The following PANK1 variants were observed in gnomAD, a reference collection of about 807,000 sequenced individuals.
PANK1 encodes pantothenic acid kinase 1.
A neutral mutation model predicts 40.1 loss-of-function variants in PANK1; 18 were observed. The ratio of observed to expected loss-of-function variants is 0.45; its 90% CI spans 0.31 to 0.67. The LOEUF (loss-of-function observed/expected upper bound fraction) is 0.67, where lower values mean the gene tolerates loss of function less well. Among genes scored for constraint, PANK1 ranks in the 30% least tolerant of loss-of-function variants. The pLI is 0.06. For missense variants in PANK1, 457 were observed against 599.6 expected (o/e 0.76, Z 2.48); for synonymous variants, 242 against 237.7 (o/e 1.02, Z -0.17).
intron 1 of PANK1, chr10:89,643,963 T>G (rs1236343594): frequency 1.0e-6 from 1 of 954,418 alleles, no homozygotes; most frequent in African/African-American, 1.7e-5. Context: ...AAAATCCACC[T>G]CCAATCCTCA....
intron 2 of PANK1, among the ~76,000 whole-genome samples, chr10:89,608,720 A>G (rs1845060217): frequency 1.3e-5 from 2 of 152,266 alleles, no homozygotes; most frequent in Non-Finnish European, 1.5e-5. Flanking sequence ...GTGATTTTAT[A>G]CAATAACAAT....
chr10:89,629,664 T>A (rs760562412), intron 1 of PANK1, among the ~76,000 whole-genome samples: 3 of 152,198 alleles, frequency 2.0e-5, no homozygotes, highest in Non-Finnish European at 4.4e-5. Flanking sequence ...GTGATGCTTG[T>A]TCAACATAAA....
At chr10:89,596,435 G>A (rs1349636786) in intron 3 of PANK1, among the ~76,000 whole-genome samples, 1 of 152,232 alleles carries the variant, frequency 6.6e-6, no homozygotes, top group Non-Finnish European at 1.5e-5. Context: ...ACTGGAAAAT[G>A]ACAGACAACT....
chr10:89,637,839 G>T (rs1589821198), intron 1 of PANK1, among the ~76,000 whole-genome samples: 1 of 151,718 alleles, frequency 6.6e-6, no homozygotes, highest in Non-Finnish European at 1.5e-5. Context: ...ATAACACTTG[G>T]CTTAAAACAC....
chr10:89,591,245 AC>A (rs1490466543), intron 5 of PANK1, among the ~76,000 whole-genome samples: 4 of 149,836 alleles, frequency 2.7e-5, no homozygotes, highest in African/African-American at 4.9e-5. Flanking sequence ...ATAAAAACAA[AC>A]AAAAAAACCC....
intron 5 of PANK1, chr10:89,592,933 G>A: frequency 1.9e-6 from 1 of 533,112 alleles, no homozygotes; most frequent in Non-Finnish European, 3.5e-6. Context: ...GATGGTTAGA[G>A]AGACTATGAC....
Position 89,644,695 on chromosome 10 carries a change from T to G in PANK1, c.197A>C (p.Glu66Ala). The G allele has an allele frequency of 6.5e-7, 1 of 1,546,480 alleles. No individual in the cohort carries two copies. The highest frequency in any genetic ancestry group is 8.7e-7 in the Non-Finnish European group (1 of 1,153,470). The change falls in exon 1 of 7, where the codon GAG (glutamate) becomes GCG (alanine). Residue 66 changes from glutamate to alanine, a missense_variant. Glu to Ala is a moderately radical substitution (Grantham distance 107). Coordinates refer to ENST00000307534, the MANE Select transcript of PANK1 (RefSeq NM_148977.3). Reference protein sequence around the residue: ...AAPQRLPLLPELQPQPLLPQH... With the variant: ...AAPQRLPLLPALQPQPLLPQH... The stretch of plus-strand genomic sequence containing the variant: ...AGGGAGCAGTGGCTGCGGCTGCAGC[T>G]CCGGCAGGAGCGGGAGGCGCTGGGG...
intron 2 of PANK1, among the ~76,000 whole-genome samples, chr10:89,607,694 G>A (rs922666349): frequency 1.3e-5 from 2 of 152,150 alleles, no homozygotes; most frequent in African/African-American, 2.4e-5. Flanking sequence ...TTGAGAATAC[G>A]GTTGTTGAAG....
chr10:89,634,514 A>T (rs1204155512), intron 1 of PANK1, among the ~76,000 whole-genome samples: 1 of 152,214 alleles, frequency 6.6e-6, no homozygotes, highest in Non-Finnish European at 1.5e-5. Context: ...GGAAGATTCC[A>T]GAGTCTTGCA....
chr10:89,590,305 A>G (rs7095526), intron 5 of PANK1, among the ~76,000 whole-genome samples: 93,040 of 151,854 alleles, frequency 0.61, 29,033 homozygotes, highest in East Asian at 0.93. Flanking sequence ...CAAGAAAAAA[A>G]GTCCAACAAC....
intron 1 of PANK1, among the ~76,000 whole-genome samples, chr10:89,612,706 C>G (rs1032597862): frequency 1.3e-5 from 2 of 152,342 alleles, no homozygotes; most frequent in African/African-American, 4.8e-5. Context: ...CGCATTATAT[C>G]TAATTTATTT....
At position 89,584,153 on chromosome 10, in the gene PANK1, G is replaced by A; in HGVS notation, c.*253C>T. ...GTTAATGCATACAATTGGTAGGTTT[G>A]GCCACGCTGCACCATTTTTTTAAAA... On this transcript the variant is annotated 3_prime_UTR_variant, in exon 7 of 7. Coordinates refer to ENST00000307534, the MANE Select transcript of PANK1 (RefSeq NM_148977.3). 4.9e-6 allele frequency: 2 copies of A among 408,172 alleles called. No individual in the cohort carries two copies. Among genetic ancestry groups the A allele is most frequent in the South Asian group, 1.2e-4 (2 of 16,716 alleles). 25.3% of individuals were successfully genotyped at this position (408,172 alleles called of 1,614,324 possible). A position where few individuals can be genotyped will look rare whatever the true frequency, so the allele number is the denominator to read the frequency against.
intron 1 of PANK1, chr10:89,639,148 C>T: frequency 2.3e-6 from 1 of 425,944 alleles, no homozygotes; most frequent in South Asian, 1.7e-5. Context: ...ATTTGGCTTA[C>T]AGTTCTGGAG....
intron 1 of PANK1, among the ~76,000 whole-genome samples, chr10:89,633,762 A>T (rs1288286152): frequency 6.6e-6 from 1 of 152,194 alleles, no homozygotes; most frequent in African/African-American, 2.4e-5. Flanking sequence ...GCCCAAATAA[A>T]TTAAAAACTG....
At chr10:89,626,303 ATTTTTTTTTTTTTTTTTTTG>A (rs1845660800) in intron 1 of PANK1, 2 of 128,252 alleles carry the variant, frequency 1.6e-5, no homozygotes, top group African/African-American at 5.8e-5. Flanking sequence ...GGTCCTCAGC[ATTTTTTTTTTTTTTTTTTTG>A]AGACGGAGTC....
At chr10:89,603,732 A>C (rs1844855485) in intron 2 of PANK1, among the ~76,000 whole-genome samples, 1 of 152,200 alleles carries the variant, frequency 6.6e-6, no homozygotes, top group African/African-American at 2.4e-5. Context: ...TAAGTGCATC[A>C]GAATCACCTG....
intron 1 of PANK1, among the ~76,000 whole-genome samples, chr10:89,620,897 C>T (rs1162796228): frequency 2.0e-5 from 3 of 152,156 alleles, no homozygotes; most frequent in African/African-American, 7.2e-5. Context: ...CAGAAAAGAA[C>T]TTACATTGAA....
chr10:89,619,508 C>G (rs908985204), intron 1 of PANK1, among the ~76,000 whole-genome samples: 2 of 152,192 alleles, frequency 1.3e-5, no homozygotes, highest in Non-Finnish European at 2.9e-5. Flanking sequence ...CTGAGTTTCT[C>G]TATAACCAGC....
At chr10:89,604,625 C>T (rs1366095203) in intron 2 of PANK1, among the ~76,000 whole-genome samples, 1 of 136,206 alleles carries the variant, frequency 7.3e-6, no homozygotes, top group Non-Finnish European at 1.5e-5. Context: ...ACCCAGGAGG[C>T]AGGTGTTGCA....
Sources: allele counts gnomAD v4.1 joint callset (sites outside exome capture counted in the v4.1 genomes callset), GRCh38; gene constraint gnomAD v4.1.1; transcripts MANE v1.5; gene names NCBI Gene and HGNC (gene_info 2026-07-23, HGNC 2026-07-21).